SAMD4A: variants seen among roughly 807,000 people sequenced by gnomAD.
SAMD4A encodes the protein sterile alpha motif domain containing 4A.
A neutral mutation model predicts 81.3 loss-of-function variants in SAMD4A; 33 were observed. That is an observed-to-expected ratio of 0.41 (90% CI 0.31 to 0.54). SAMD4A has a LOEUF of 0.54. SAMD4A is among the 20% of genes least tolerant of loss of function. The pLI, the probability that SAMD4A is intolerant of heterozygous loss-of-function variation, is 0.37. For missense variants in SAMD4A, 854 were observed against 951.1 expected (o/e 0.90, Z 1.34); for synonymous variants, 389 against 382.1 (o/e 1.02, Z -0.21).
intron 2 of SAMD4A, among the ~76,000 whole-genome samples, chr14:54,650,950 A>G (rs917759818): frequency 5.9e-5 from 9 of 152,252 alleles, no homozygotes; most frequent in African/African-American, 2.2e-4. Context: ...AGAGTTTTAA[A>G]AATATATATC....
At chr14:54,632,053 T>C (rs1294329594) in intron 2 of SAMD4A, among the ~76,000 whole-genome samples, 2 of 152,138 alleles carry the variant, frequency 1.3e-5, no homozygotes, top group Non-Finnish European at 2.9e-5. Flanking sequence ...GAGCTTACAT[T>C]CTAGTGGGGT....
intron 5 of SAMD4A, 104 bp downstream of exon 5, chr14:54,749,028 A>G: frequency 1.3e-6 from 1 of 747,230 alleles, no homozygotes; most frequent in Non-Finnish European, 2.3e-6. Context: ...CCCACACAGT[A>G]GCTTGCCCTG....
intron 2 of SAMD4A, among the ~76,000 whole-genome samples, chr14:54,612,156 G>A (rs2034373505): frequency 6.6e-6 from 1 of 152,098 alleles, no homozygotes; most frequent in Non-Finnish European, 1.5e-5. Flanking sequence ...TTGATGTTTG[G>A]AAAATAACAA....
At chr14:54,755,098 C>A (rs536824082) in intron 6 of SAMD4A, among the ~76,000 whole-genome samples, 2 of 152,102 alleles carry the variant, frequency 1.3e-5, no homozygotes, top group African/African-American at 2.4e-5. Flanking sequence ...CCGGGAAACT[C>A]ATTAGGAAAC....
chr14:54,640,568 T>A (rs928387546), intron 2 of SAMD4A, among the ~76,000 whole-genome samples: 1 of 152,108 alleles, frequency 6.6e-6, no homozygotes, highest in Non-Finnish European at 1.5e-5. Flanking sequence ...TTTGCAGACT[T>A]TCTGGTTTTC....
At chr14:54,655,585 A>G (rs1295104626) in intron 2 of SAMD4A, among the ~76,000 whole-genome samples, 1 of 152,074 alleles carries the variant, frequency 6.6e-6, no homozygotes, top group Non-Finnish European at 1.5e-5. Flanking sequence ...TACAAAAAAA[A>G]AAATTAGCCG....
intron 2 of SAMD4A, among the ~76,000 whole-genome samples, chr14:54,611,701 A>AC (rs765564974): frequency 6.6e-6 from 1 of 151,822 alleles, no homozygotes; most frequent in Non-Finnish European, 1.5e-5. Context: ...ACATGGTGAA[A>AC]CCCCATCTCT....
chr14:54,654,034 A>G (rs933449417), intron 2 of SAMD4A, among the ~76,000 whole-genome samples: 1 of 152,248 alleles, frequency 6.6e-6, no homozygotes, highest in Non-Finnish European at 1.5e-5. Flanking sequence ...AAGAAGACAC[A>G]AACGATGGAG....
At chr14:54,752,840 G>A (rs79542275) in intron 6 of SAMD4A, among the ~76,000 whole-genome samples, 2 of 152,214 alleles carry the variant, frequency 1.3e-5, no homozygotes, top group Admixed American at 6.5e-5. Context: ...GCAGGGTGAT[G>A]ATAAGGAGAA....
At chr14:54,692,232 G>A (rs1377217849) in intron 2 of SAMD4A, among the ~76,000 whole-genome samples, 1 of 152,172 alleles carries the variant, frequency 6.6e-6, no homozygotes, top group East Asian at 1.9e-4. Flanking sequence ...CTGGTGTCAG[G>A]GGTGGGATGT....
At chr14:54,677,195 C>T (rs909854858) in intron 2 of SAMD4A, among the ~76,000 whole-genome samples, 1 of 152,158 alleles carries the variant, frequency 6.6e-6, no homozygotes, top group Non-Finnish European at 1.5e-5. Flanking sequence ...TGGGACTGTC[C>T]TTGAAAAGCT....
At chr14:54,783,401 G>A (rs369528715) in intron 11 of SAMD4A, among the ~76,000 whole-genome samples, 1 of 152,314 alleles carries the variant, frequency 6.6e-6, no homozygotes, top group South Asian at 2.1e-4. Flanking sequence ...GACAGTGAGG[G>A]CTCCAGCAGG....
intron 2 of SAMD4A, among the ~76,000 whole-genome samples, chr14:54,606,210 TGTGC>T (rs998028328): frequency 5.3e-5 from 8 of 150,344 alleles, no homozygotes; most frequent in African/African-American, 2.0e-4. Context: ...TGTGTGTGTG[TGTGC>T]GTGCACGTGC....
chr14:54,716,435 A>G (rs573407591), intron 3 of SAMD4A, among the ~76,000 whole-genome samples: 4 of 152,190 alleles, frequency 2.6e-5, no homozygotes, highest in Non-Finnish European at 5.9e-5. Context: ...TCTTGTTAGT[A>G]CCCAGGTGAA....
chr14:54,619,737 C>T (rs1487045247), intron 2 of SAMD4A, among the ~76,000 whole-genome samples: 4 of 152,194 alleles, frequency 2.6e-5, no homozygotes, highest in East Asian at 3.9e-4. Context: ...TGAGAACATG[C>T]GGTATTTGGT....
intron 2 of SAMD4A, among the ~76,000 whole-genome samples, chr14:54,589,063 T>G (rs185028591): frequency 6.6e-6 from 1 of 152,248 alleles, no homozygotes; most frequent in Non-Finnish European, 1.5e-5. Context: ...ACTTGCATTG[T>G]CTGTTTAAAC....
At chr14:54,639,265 C>A (rs976461666) in intron 2 of SAMD4A, among the ~76,000 whole-genome samples, 7 of 152,210 alleles carry the variant, frequency 4.6e-5, no homozygotes, top group African/African-American at 1.7e-4. Flanking sequence ...TAACCGGCAG[C>A]TGTTATTGTT....
rs117114795 is a variant in SAMD4A, at chr14:54,720,592, C to T, written c.716-16432C>T. Among the ~76,000 whole-genome samples the T allele has an allele frequency of 6.4e-4, 98 of 152,202 alleles. 3 individuals are homozygous for T. In the East Asian group the frequency reaches 0.016, roughly 25 times the overall value. On this transcript the variant is annotated intron_variant, in intron 3 of 12. Transcript: ENST00000554335. ...CTCCTGAGGGATATAAGCCTTACTG[C>T]GAGGGTCCTAGGGCCTGTTAGGAGT...
chr14:54,591,596 T>C (rs1400165769), intron 2 of SAMD4A, among the ~76,000 whole-genome samples: 1 of 152,058 alleles, frequency 6.6e-6, no homozygotes, highest in African/African-American at 2.4e-5. Flanking sequence ...GCATCATTAC[T>C]TGTGGTTTTG....
Sources: gnomAD v4.1 joint callset for allele counts (sites outside exome capture counted in the v4.1 genomes callset) on GRCh38, gnomAD v4.1.1 for gene constraint, MANE v1.5 for transcripts, NCBI Gene and HGNC (gene_info 2026-07-23, HGNC 2026-07-21) for gene names.